Variants in APBB2 observed in about 807,000 individuals in gnomAD.
The protein encoded by APBB2 is amyloid beta precursor protein binding family B member 2.
APBB2 carries 38 observed loss-of-function variants against 82.5 expected under a neutral mutation model. The ratio of observed to expected loss-of-function variants is 0.46; its 90% CI spans 0.36 to 0.60. APBB2 has a LOEUF of 0.60. Ranked by LOEUF, APBB2 falls within the 20% of genes least tolerant of loss-of-function variation. The pLI, the probability that APBB2 is intolerant of heterozygous loss-of-function variation, is 0.00. For missense variants in APBB2, 772 were observed against 972.3 expected, an observed-to-expected ratio of 0.79 and a Z score of 2.74; for synonymous variants, 341 against 368.2, an observed-to-expected ratio of 0.93 and a Z score of 0.85.
intron 2 of APBB2, among the ~76,000 whole-genome samples, chr4:41,121,911 ATGTGTGTATGTG>A (rs759555360): frequency 3.3e-4 from 49 of 150,704 alleles, no homozygotes; most frequent in East Asian, 1.2e-3. Flanking sequence ...GTGTGTGTGT[ATGTGTGTATGTG>A]TGTGTGTATG....
At chr4:41,074,608 ATTTTTTTTT>A (rs370714146) in intron 3 of APBB2, among the ~76,000 whole-genome samples, 3 of 136,666 alleles carry the variant, frequency 2.2e-5, no homozygotes, top group African/African-American at 8.0e-5. Context: ...TATTATTATT[ATTTTTTTTT>A]TTTTTTTTTT....
intron 10 of APBB2, among the ~76,000 whole-genome samples, chr4:40,925,778 A>G (rs1429740580): frequency 6.6e-6 from 1 of 152,252 alleles, no homozygotes. Context: ...CTGCTTATCT[A>G]TTAGTGCTAA....
At chr4:40,907,240 ATTTG>A (rs1777006192) in intron 10 of APBB2, among the ~76,000 whole-genome samples, 1 of 151,292 alleles carries the variant, frequency 6.6e-6, no homozygotes, top group African/African-American at 2.4e-5. Flanking sequence ...ATGTGACTGT[ATTTG>A]GAGAAAGGGT....
chr4:41,097,196 T>G (rs1194817936), intron 3 of APBB2, among the ~76,000 whole-genome samples: 1 of 152,158 alleles, frequency 6.6e-6, no homozygotes, highest in African/African-American at 2.4e-5. Flanking sequence ...GAGGAATATG[T>G]CACCTGCGCT....
At chr4:41,194,003 T>G in intron 1 of APBB2, 1 of 151,936 alleles carries the variant, frequency 6.6e-6, no homozygotes, top group Non-Finnish European at 1.5e-5. Flanking sequence ...TTGTTAAGAG[T>G]GAAATTGAGG....
intron 12 of APBB2, among the ~76,000 whole-genome samples, chr4:40,833,726 T>G (rs1458339721): frequency 6.6e-6 from 1 of 152,118 alleles, no homozygotes; most frequent in African/African-American, 2.4e-5. Flanking sequence ...ACCTCATCTT[T>G]AAGTGAAGGG....
intron 4 of APBB2, among the ~76,000 whole-genome samples, chr4:41,035,739 T>G (rs2154444310): frequency 6.6e-6 from 1 of 152,364 alleles, no homozygotes; most frequent in Non-Finnish European, 1.5e-5. Context: ...AAGTTAGGCC[T>G]GTGATGGTTG....
intron 7 of APBB2, among the ~76,000 whole-genome samples, chr4:40,940,031 C>T (rs750705339): frequency 1.3e-5 from 2 of 152,158 alleles, no homozygotes; most frequent in Non-Finnish European, 2.9e-5. Context: ...GGCTATGCAG[C>T]TGATTTATTT....
intron 16 of APBB2, among the ~76,000 whole-genome samples, chr4:40,822,650 T>A (rs1380048737): frequency 6.6e-6 from 1 of 152,226 alleles, no homozygotes; most frequent in African/African-American, 2.4e-5. Context: ...CTCATAGGGA[T>A]GAACACCACA....
intron 12 of APBB2, among the ~76,000 whole-genome samples, chr4:40,876,362 T>G (rs1766905986): frequency 6.6e-6 from 1 of 152,226 alleles, no homozygotes; most frequent in African/African-American, 2.4e-5. Flanking sequence ...AATCCCTGCC[T>G]TCTGTCCTTT....
intron 6 of APBB2, among the ~76,000 whole-genome samples, chr4:40,948,478 C>T (rs146017078): frequency 5.9e-5 from 9 of 152,048 alleles, no homozygotes; most frequent in Non-Finnish European, 1.0e-4. Context: ...AGGCTGAGGA[C>T]GGCTAGGGGC....
chr4:41,159,969 GAAGAAGAAGAAGAAGAAGAAGA>G (rs1764594899), intron 1 of APBB2, among the ~76,000 whole-genome samples: 4 of 98,708 alleles, frequency 4.1e-5, no homozygotes, highest in African/African-American at 1.2e-4. Context: ...AGGAGAAGAA[GAAGAAGAAGAAGAAGAAGAAGA>G]AGAAGAAGAA....
At chr4:40,921,046 CCT>C (rs1362401188) in intron 10 of APBB2, among the ~76,000 whole-genome samples, 4 of 152,114 alleles carry the variant, frequency 2.6e-5, no homozygotes, top group Non-Finnish European at 4.4e-5. Context: ...GCCTCGGCTC[CCT>C]CAACTCAAAA....
At chr4:40,980,800 A>G (rs1560440933) in intron 6 of APBB2, among the ~76,000 whole-genome samples, 1 of 152,156 alleles carries the variant, frequency 6.6e-6, no homozygotes, top group African/African-American at 2.4e-5. Flanking sequence ...CAAAGGCACT[A>G]TTTCCCCAAC....
At chr4:41,066,594 C>T (rs1731921048) in intron 3 of APBB2, among the ~76,000 whole-genome samples, 1 of 152,066 alleles carries the variant, frequency 6.6e-6, no homozygotes. Context: ...GGAGGCCTTC[C>T]AAGAAAAGGG....
At chr4:40,893,676 A>C (rs576952632) in intron 10 of APBB2, among the ~76,000 whole-genome samples, 1 of 152,338 alleles carries the variant, frequency 6.6e-6, no homozygotes, top group East Asian at 1.9e-4. Flanking sequence ...GGTTACTAGA[A>C]GGCCAGGTGC....
intron 6 of APBB2, among the ~76,000 whole-genome samples, chr4:40,995,371 C>A (rs1236268758): frequency 6.6e-6 from 1 of 151,848 alleles, no homozygotes; most frequent in Non-Finnish European, 1.5e-5. Context: ...TAAGTCCATC[C>A]GTCAGAAATG....
At chr4:41,139,235 C>T (rs1427800256) in intron 2 of APBB2, among the ~76,000 whole-genome samples, 3 of 152,170 alleles carry the variant, frequency 2.0e-5, no homozygotes, top group Middle Eastern at 3.4e-3. Context: ...TATCATCCAA[C>T]CTATGAATAA....
At chr4:41,184,832 C>T (rs963153778) in intron 1 of APBB2, among the ~76,000 whole-genome samples, 2 of 152,224 alleles carry the variant, frequency 1.3e-5, no homozygotes, top group Non-Finnish European at 2.9e-5. Flanking sequence ...AGGTGACATT[C>T]ACTGCAGAGC....
Sources: allele counts gnomAD v4.1 joint callset (sites outside exome capture counted in the v4.1 genomes callset), GRCh38; gene constraint gnomAD v4.1.1; transcripts MANE v1.5; gene names NCBI Gene and HGNC (gene_info 2026-07-23, HGNC 2026-07-21).